PSD2: variants seen among roughly 807,000 people sequenced by gnomAD.
The protein encoded by PSD2 is PH and SEC7 domain-containing protein 2.
A neutral mutation model predicts 69.8 loss-of-function variants in PSD2; 38 were observed. The observed-to-expected ratio is 0.54, with a 90% confidence interval of 0.42 to 0.71. The LOEUF (loss-of-function observed/expected upper bound fraction) is 0.71, where lower values mean the gene tolerates loss of function less well. Among genes scored for constraint, PSD2 ranks in the 30% least tolerant of loss-of-function variants. The pLI, the probability that PSD2 is intolerant of heterozygous loss-of-function variation, is 0.00. For missense variants in PSD2, 943 were observed against 1,014.5 expected, an observed-to-expected ratio of 0.93 and a Z score of 0.96; for synonymous variants, 412 against 423.0, an observed-to-expected ratio of 0.97 and a Z score of 0.32.
the PSD2 span, among the ~76,000 whole-genome samples, chr5:139,773,743 A>G: frequency 6.6e-6 from 1 of 152,158 alleles, no homozygotes; most frequent in African/African-American, 2.4e-5. Context: ...GGTGGCTGCC[A>G]CCGCTTGGCT....
At chr5:139,774,362 T>C in the PSD2 span, among the ~76,000 whole-genome samples, 5 of 152,056 alleles carry the variant, frequency 3.3e-5, no homozygotes, top group Non-Finnish European at 5.9e-5. Context: ...ACCTGAAGTG[T>C]GGAGTGAGCA....
At chr5:139,758,890 C>T in the PSD2 span, among the ~76,000 whole-genome samples, 1,212 of 149,244 alleles carry the variant, frequency 8.1e-3, 17 homozygotes, top group African/African-American at 0.029. Context: ...TCTGGCTCCA[C>T]GGTCAGGAAA....
rs747690422 is a variant in PSD2, at chr5:139,838,762, G to A, written c.1958G>A (p.Arg653His). ...CCCCTGCTGCCCTCCTGCACCACCC[G>A]CCTCTGCCAGGTACATGTTCCTGGG... ...CRPLLPSCTT[R>H]LCQEEQLRSH... The change falls in exon 13 of 15, where the codon CGC becomes CAC. Residue 653 changes from arginine to histidine, a missense_variant. By Grantham distance (29) the Arg-to-His change is conservative. Coordinates refer to ENST00000274710, the MANE Select transcript of PSD2 (RefSeq NM_032289.4). 6 of 1,612,106 alleles carry A rather than the reference G, an allele frequency of 3.7e-6. No individual in the cohort carries two copies. The highest frequency in any genetic ancestry group is 1.3e-5 in the African/African-American group (1 of 74,824).
At chr5:139,805,259 C>T (rs1170144532) in intron 1 of PSD2, among the ~76,000 whole-genome samples, 1 of 152,214 alleles carries the variant, frequency 6.6e-6, no homozygotes, top group Non-Finnish European at 1.5e-5. Flanking sequence ...TTGGATCCCA[C>T]CATAAAAGGG....
the PSD2 span, among the ~76,000 whole-genome samples, chr5:139,787,838 T>A: frequency 6.6e-6 from 1 of 152,224 alleles, no homozygotes; most frequent in Admixed American, 6.5e-5. Context: ...TTGGGGAGCC[T>A]GTTTTCCATC....
intron 14 of PSD2, among the ~76,000 whole-genome samples, chr5:139,841,881 A>G (rs1268321753): frequency 6.6e-6 from 1 of 152,176 alleles, no homozygotes; most frequent in Non-Finnish European, 1.5e-5. Flanking sequence ...AGTTCTTTAT[A>G]TATTCTGGAT....
At chr5:139,823,741 A>T (rs1285022640) in intron 7 of PSD2, among the ~76,000 whole-genome samples, 1 of 152,170 alleles carries the variant, frequency 6.6e-6, no homozygotes, top group African/African-American at 2.4e-5. Context: ...CCTAGTAAGG[A>T]TTTCATTATG....
At position 139,842,624 on chromosome 5, in the gene PSD2, A is replaced by T. The variant is rs984489965; in HGVS notation, c.*150A>T. ...AAGCCTGTGGGCCCAGGAGATGGAG[A>T]TGCCGTTTGTGGCGTTGATCTCCTT... On this transcript the variant is annotated 3_prime_UTR_variant, in exon 15 of 15. Coordinates refer to ENST00000274710, the MANE Select transcript of PSD2 (RefSeq NM_032289.4). 1 of 675,560 alleles carries T rather than the reference A, an allele frequency of 1.5e-6. No individual in the cohort carries two copies. The highest frequency in any genetic ancestry group is 2.5e-6 in the Non-Finnish European group (1 of 398,220). 41.8% of individuals were successfully genotyped at this position (675,560 alleles called of 1,614,324 possible).
rs1330995099 is a variant in PSD2 at position 139,813,666 on chromosome 5, G to A, written c.729G>A (p.Met243Ile). ...TGAGCCGCCTGTCTCTCATGGCCAT[G>A]CCCAATGGATTCCATGAAGATGGCC... ...NVLSRLSLMA[M>I]PNGFHEDGPQ... Residue 243 changes from methionine (M) to isoleucine (I), a missense_variant, in exon 3 of 15, where the codon ATG becomes ATA. Coordinates refer to ENST00000274710, the MANE Select transcript of PSD2 (RefSeq NM_032289.4). 15 of 1,613,822 alleles carry A rather than the reference G, an allele frequency of 9.3e-6. No homozygotes were observed. Among genetic ancestry groups the A allele is most frequent in the Non-Finnish European group, 1.3e-5 (15 of 1,179,978 alleles).
At chr5:139,765,239 A>C in the PSD2 span, among the ~76,000 whole-genome samples, 1 of 152,012 alleles carries the variant, frequency 6.6e-6, no homozygotes, top group African/African-American at 2.4e-5. Flanking sequence ...TCCAGTTGTT[A>C]TTCAGTACCC....
chr5:139,842,716 C>G lies in PSD2; in HGVS notation c.*242C>G. 1.9e-6 allele frequency: 1 copy of G among 528,862 alleles called. No individual in the cohort carries two copies. The highest frequency in any genetic ancestry group is 3.4e-6 in the Non-Finnish European group (1 of 295,486). The allele number at this position is 528,862 out of a possible 1,614,324, so 32.8% of individuals were successfully genotyped here. ...CCTTGTTTTCCTCTCCACCATGGAG[C>G]CTCATTTTGTAGGCCAGTTGTGTGC... is the stretch of plus-strand genomic sequence containing the variant. On this transcript the variant is annotated 3_prime_UTR_variant, in exon 15 of 15. Coordinates refer to ENST00000274710, the MANE Select transcript of PSD2 (RefSeq NM_032289.4).
the PSD2 span, among the ~76,000 whole-genome samples, chr5:139,781,634 CT>C: frequency 4.0e-3 from 574 of 143,356 alleles, 4 homozygotes; most frequent in African/African-American, 0.01. Context: ...GGCGCCTGGC[CT>C]TTTTTTTTTT....
At chr5:139,756,072 A>G in the PSD2 span, among the ~76,000 whole-genome samples, 2 of 151,998 alleles carry the variant, frequency 1.3e-5, no homozygotes, top group African/African-American at 4.8e-5. Context: ...CCCCACCCCC[A>G]GTCACGCTGC....
intron 1 of PSD2, among the ~76,000 whole-genome samples, chr5:139,796,391 G>T (rs1354455586): frequency 1.3e-5 from 2 of 152,342 alleles, no homozygotes; most frequent in East Asian, 3.9e-4. Flanking sequence ...CGGGGATCGG[G>T]GCATTGGGTA....
chr5:139,754,056 G>A, the PSD2 span, among the ~76,000 whole-genome samples: 2 of 152,048 alleles, frequency 1.3e-5, no homozygotes, highest in African/African-American at 2.4e-5. Context: ...GTCTAGTCTC[G>A]AACTCCTGAC....
At chr5:139,827,600 A>G (rs545383436) in intron 7 of PSD2, among the ~76,000 whole-genome samples, 1 of 152,308 alleles carries the variant, frequency 6.6e-6, no homozygotes, top group African/African-American at 2.4e-5. Flanking sequence ...GCTATAAAGA[A>G]CTTCCCTGAG....
In PSD2 at chr5:139,839,119, C is replaced by G. The variant is rs1011074331; in HGVS notation, c.1968+347C>G. Among the ~76,000 whole-genome samples, 3 of 152,246 alleles carry G rather than the reference C, an allele frequency of 2.0e-5. No individual in the cohort carries two copies. The highest frequency in any genetic ancestry group is 6.5e-5 in the Admixed American group (1 of 15,290). ...GCTTGCACAGGTGACACCTGGCTGA[C>G]GCTTCATCCAGTGCTCTTTTGCTGC... On this transcript the variant is annotated intron_variant, in intron 13 of 14. Transcript: ENST00000274710. This position sits in a 1 kb window ranked among gnomAD's most constrained non-coding sequence, Gnocchi z 5.1.
chr5:139,750,095 G>T, the PSD2 span, among the ~76,000 whole-genome samples: 1 of 151,852 alleles, frequency 6.6e-6, no homozygotes, highest in Non-Finnish European at 1.5e-5. Flanking sequence ...GGAGGCCGAG[G>T]TGGGTGGATC....
the PSD2 span, among the ~76,000 whole-genome samples, chr5:139,786,599 C>T: frequency 3.3e-5 from 5 of 152,078 alleles, 1 homozygote; most frequent in South Asian, 4.1e-4. Flanking sequence ...GGATCACCTG[C>T]GGCTGACTCC....
Sources: gnomAD v4.1 joint callset for allele counts (sites outside exome capture counted in the v4.1 genomes callset) on GRCh38, gnomAD v4.1.1 for gene constraint, Gnocchi (gnomAD v3.1) non-coding constraint, MANE v1.5 for transcripts, NCBI Gene and HGNC (gene_info 2026-07-23, HGNC 2026-07-21) for gene names.